Variants in A4GALT observed in about 807,000 individuals in gnomAD.
A4GALT encodes alpha 1,4-galactosyltransferase (P1PK blood group).
For synonymous variants in A4GALT, 257 were observed against 220.7 expected, an observed-to-expected ratio of 1.16 and a Z score of -1.46; for missense variants, 512 against 486.0, an observed-to-expected ratio of 1.05 and a Z score of -0.50.
intron 1 of A4GALT, among the ~76,000 whole-genome samples, chr22:42,709,899 T>A (rs1435961640): frequency 1.3e-5 from 2 of 152,178 alleles, no homozygotes; most frequent in African/African-American, 2.4e-5. Context: ...ATATAATTCA[T>A]CATATTAAAT....
chr22:42,704,780 T>C (rs79142397), intron 1 of A4GALT, among the ~76,000 whole-genome samples: 18,499 of 144,184 alleles, frequency 0.13, 1,454 homozygotes, highest in African/African-American at 0.22. Context: ...TAAAGACAAA[T>C]GAGAGAAACT....
At position 42,692,466 on chromosome 22, in the gene A4GALT, C is replaced by G. The variant is rs1464682078; in HGVS notation, c.*424G>C. 8 of 358,300 alleles carry G rather than the reference C, an allele frequency of 2.2e-5. No individual in the cohort carries two copies. Among genetic ancestry groups the G allele is most frequent in the Non-Finnish European group, 3.3e-5 (6 of 180,900 alleles). 22.2% of individuals were successfully genotyped at this position (358,300 alleles called of 1,614,324 possible). On this transcript the variant is annotated 3_prime_UTR_variant, in exon 3 of 3. Transcript: ENST00000642412. This position sits in a 1 kb window ranked among gnomAD's most constrained non-coding sequence, Gnocchi z 4.6. Reference sequence around the variant, plus strand: ...CGGACCCTTGGGGCTGGGTCTCCCCCAGCCCTGCCACTTTCCTACCAACAG... The same window carrying G: ...CGGACCCTTGGGGCTGGGTCTCCCCGAGCCCTGCCACTTTCCTACCAACAG...
At chr22:42,710,088 G>A (rs919305278) in intron 1 of A4GALT, among the ~76,000 whole-genome samples, 1 of 152,064 alleles carries the variant, frequency 6.6e-6, no homozygotes, top group African/African-American at 2.4e-5. Context: ...TCATACCTGG[G>A]CACTAATACT....
rs749963247 is a variant in A4GALT at position 42,692,913 on chromosome 22, C to T, written c.1039G>A (p.Glu347Lys). 2.3e-5 allele frequency: 37 copies of T among 1,605,086 alleles called. No individual in the cohort carries two copies. Among genetic ancestry groups the T allele is most frequent in the Middle Eastern group, 1.6e-4 (1 of 6,080 alleles). The change falls in exon 3 of 3, where the codon GAG (glutamate) becomes AAG (lysine). Residue 347 changes from glutamate to lysine, a missense_variant. Transcript: ENST00000642412. This position sits in a 1 kb window ranked among gnomAD's most constrained non-coding sequence, Gnocchi z 4.6. ...CCTCACAAGTACATTTTCATGGCCTCGTGCGTCGTGGGGCAGTAGCGGGCA... is the reference window on the plus strand; with the variant it reads ...CCTCACAAGTACATTTTCATGGCCTTGTGCGTCGTGGGGCAGTAGCGGGCA... ...LHARYCPTTH[E>K]AMKMYL is the part of the protein sequence containing the mutation.
chr22:42,717,235 C>T (rs1602030018), intron 1 of A4GALT, among the ~76,000 whole-genome samples: 2 of 152,280 alleles, frequency 1.3e-5, no homozygotes, highest in South Asian at 2.1e-4. Context: ...CTGATAGCTA[C>T]AAGAAACAGA....
intron 1 of A4GALT, among the ~76,000 whole-genome samples, chr22:42,695,843 G>A (rs556072428): frequency 1.3e-5 from 2 of 152,252 alleles, no homozygotes; most frequent in Admixed American, 1.3e-4. Flanking sequence ...CCCTAAAGGA[G>A]TTCTCAGTCT....
chr22:42,698,930 A>T (rs1035648318), intron 1 of A4GALT, among the ~76,000 whole-genome samples: 13 of 149,232 alleles, frequency 8.7e-5, no homozygotes, highest in Non-Finnish European at 1.5e-4. Flanking sequence ...TGAGTTTACA[A>T]ATGCCATCGC....
chr22:42,713,828 A>AG (rs1921909946), intron 1 of A4GALT, among the ~76,000 whole-genome samples: 2 of 118,976 alleles, frequency 1.7e-5, no homozygotes, highest in African/African-American at 5.2e-5. Flanking sequence ...AAAAAAAAAA[A>AG]AAGACAGACA....
chr22:42,704,549 A>G (rs1215368062), intron 1 of A4GALT, among the ~76,000 whole-genome samples: 3 of 151,898 alleles, frequency 2.0e-5, no homozygotes, highest in Non-Finnish European at 4.4e-5. Context: ...GGCTGTTTGT[A>G]AGAAGGGCAG....
chr22:42,702,198 CA>C (rs1373201537), intron 1 of A4GALT, among the ~76,000 whole-genome samples: 5 of 152,124 alleles, frequency 3.3e-5, no homozygotes, highest in African/African-American at 9.7e-5. Context: ...AACATCATAT[CA>C]GGGGTGGGGC....
intron 1 of A4GALT, among the ~76,000 whole-genome samples, chr22:42,713,401 C>T (rs560155827): frequency 2.8e-4 from 43 of 152,322 alleles, no homozygotes; most frequent in Non-Finnish European, 5.4e-4. Flanking sequence ...AGTGCCTGGG[C>T]GCCAATGTTG....
intron 1 of A4GALT, among the ~76,000 whole-genome samples, chr22:42,720,407 G>C (rs1013311512): frequency 3.3e-5 from 5 of 152,140 alleles, no homozygotes; most frequent in Non-Finnish European, 5.9e-5. Context: ...CCCGGACGGA[G>C]GAGCGCGACT....
At chr22:42,712,286 C>G (rs1320950536) in intron 1 of A4GALT, among the ~76,000 whole-genome samples, 1 of 152,168 alleles carries the variant, frequency 6.6e-6, no homozygotes. Context: ...ATCTCAGTTC[C>G]GAAAGCACTG....
At chr22:42,708,545 A>AGAAG (rs560108193) in intron 1 of A4GALT, among the ~76,000 whole-genome samples, 21,465 of 116,466 alleles carry the variant, frequency 0.18, 2,267 homozygotes, top group Non-Finnish European at 0.21. Context: ...GAGGAAAGAG[A>AGAAG]GAAGGAAGGA....
At chr22:42,698,788 C>G (rs1271800988) in intron 1 of A4GALT, among the ~76,000 whole-genome samples, 1 of 152,114 alleles carries the variant, frequency 6.6e-6, no homozygotes, top group Non-Finnish European at 1.5e-5. Flanking sequence ...GAGTTCAGCA[C>G]AAAATACAGG....
chr22:42,707,149 T>C (rs1173984672), intron 1 of A4GALT, among the ~76,000 whole-genome samples: 1 of 152,174 alleles, frequency 6.6e-6, no homozygotes, highest in Non-Finnish European at 1.5e-5. Flanking sequence ...TCAAACTCTC[T>C]ACCCTAGTGA....
chr22:42,693,889 G>A lies in A4GALT; in HGVS notation c.63C>T (p.Cys21=). 6.2e-7 allele frequency: 1 copy of A among 1,609,808 alleles called. No individual in the cohort carries two copies. The change falls in exon 3 of 3, where the codon TGC becomes TGT. Residue 21 remains cysteine (C), a synonymous_variant. Coordinates refer to ENST00000642412, the MANE Select transcript of A4GALT (RefSeq NM_017436.7). ...LLRGAPRQRV[C]TLFIIGFKFT... ...ACTTGAAGCCGATGATGAACAGGGT[G>A]CAGACCCGCTGCCTTGGGGCGCCCC...
intron 1 of A4GALT, among the ~76,000 whole-genome samples, chr22:42,699,195 T>C (rs1931139082): frequency 6.6e-6 from 1 of 152,156 alleles, no homozygotes; most frequent in Non-Finnish European, 1.5e-5. Flanking sequence ...GCAATTCTCC[T>C]GCCTCAGCCT....
In A4GALT at chr22:42,702,885, T is replaced by C. The variant is rs1374343589; in HGVS notation, c.-187-7254A>G. ...TGTCTTAGCTCAGCCTGACCCCCAG[T>C]GAGGGATGCGGGGATTACTCCAGCC... On this transcript the variant is annotated intron_variant, in intron 1 of 2. Transcript: ENST00000642412. 3.5e-5 allele frequency among the ~76,000 whole-genome samples: 5 copies of C among 143,998 alleles called. No homozygotes were observed. The East Asian group carries it at 9.6e-4, about 28-fold the overall frequency. The allele number at this position is 143,998 out of a possible 152,430, so 94.5% of individuals were successfully genotyped here.
Sources: gnomAD v4.1 joint callset for allele counts (sites outside exome capture counted in the v4.1 genomes callset) on GRCh38, gnomAD v4.1.1 for gene constraint, Gnocchi (gnomAD v3.1) non-coding constraint, MANE v1.5 for transcripts, NCBI Gene and HGNC (gene_info 2026-07-23, HGNC 2026-07-21) for gene names.